Variants in TEKT5 observed in about 807,000 individuals in gnomAD.
TEKT5 encodes the protein tektin-5.
Under a neutral mutation model 48.7 loss-of-function variants are expected in TEKT5, and 52 were observed. The observed-to-expected ratio is 1.07, with a 90% CI of 0.86 to 1.35. The LOEUF (loss-of-function observed/expected upper bound fraction) is 1.35. Among genes scored for constraint, TEKT5 ranks in the 40% most tolerant of loss-of-function variants. TEKT5 has a pLI of 0.00. For missense variants in TEKT5, 831 were observed against 641.6 expected (o/e 1.30, Z -3.19); for synonymous variants, 318 against 267.6 (o/e 1.19, Z -1.84).
chr16:10,686,760 G>A (rs1034557268), intron 3 of TEKT5, among the ~76,000 whole-genome samples: 1 of 152,134 alleles, frequency 6.6e-6, no homozygotes, highest in East Asian at 1.9e-4. Flanking sequence ...TCAATAGCAA[G>A]AAAACAACCC....
In TEKT5 at chr16:10,679,897, CAAATAAAT is replaced by C. The variant is rs56032112; in HGVS notation, c.863+2088_863+2095del. The stretch of plus-strand genomic sequence containing the variant: ...GGGCAACAAGAGCGAAACTCGGTCT[CAAATAAAT>C]AAATAAATAAATAAATAAGAAAACC... On this transcript the variant is annotated intron_variant, in intron 4 of 6. Transcript: ENST00000283025. 5.8e-3 allele frequency among the ~76,000 whole-genome samples: 874 copies of C among 150,418 alleles called. 11 individuals carry two copies. Among genetic ancestry groups the C allele is most frequent in the African/African-American group, 0.02 (839 of 41,218 alleles).
At chr16:10,635,941 C>T in intron 5 of TEKT5, 23 bp from the exon 6 acceptor site, 4 of 1,611,094 alleles carry the variant, frequency 2.5e-6, no homozygotes, top group South Asian at 2.2e-5. Context: ...ACACAGGTGT[C>T]ACCACCCACC....
At chr16:10,659,530 C>A (rs1249952497) in intron 5 of TEKT5, among the ~76,000 whole-genome samples, 1 of 152,102 alleles carries the variant, frequency 6.6e-6, no homozygotes, top group Non-Finnish European at 1.5e-5. Flanking sequence ...CAGGTGCCCA[C>A]CACCACACTT....
chr16:10,675,780 C>A (rs1036314749), intron 5 of TEKT5, among the ~76,000 whole-genome samples, 179 bp downstream of exon 5: 1 of 152,122 alleles, frequency 6.6e-6, no homozygotes, highest in African/African-American at 2.4e-5. Flanking sequence ...ATGCTTAAAT[C>A]CCCCCAGGAA....
intron 5 of TEKT5, among the ~76,000 whole-genome samples, chr16:10,654,176 G>A (rs1898219117): frequency 1.3e-5 from 2 of 152,060 alleles, no homozygotes; most frequent in East Asian, 1.9e-4. Flanking sequence ...TCAGACTCCC[G>A]AGTTGCTGGA....
At position 10,676,193 on chromosome 16, in the gene TEKT5, C is replaced by T; in HGVS notation, c.864-12G>A. The T allele has an allele frequency of 6.2e-7, 1 of 1,613,838 alleles. No individual in the cohort carries two copies. Among genetic ancestry groups the T allele is most frequent in the East Asian group, 2.2e-5 (1 of 44,868 alleles). ...CAGGTACGGAGATCCTGCAAAGGCA[C>T]AAGGGTGAGTTGCAGCAGTCCTGGA... On this transcript the variant is annotated splice_polypyrimidine_tract_variant and intron_variant, in intron 4 of 6. Coordinates refer to ENST00000283025, the MANE Select transcript of TEKT5 (RefSeq NM_144674.2).
chr16:10,627,839 T>G, intron 6 of TEKT5, 40 bp from the exon 7 acceptor site: 1 of 1,572,958 alleles, frequency 6.4e-7, no homozygotes, highest in Admixed American at 1.7e-5. Flanking sequence ...GTTATTCATT[T>G]ATTTTTATTT....
intron 5 of TEKT5, among the ~76,000 whole-genome samples, chr16:10,638,638 T>A (rs2142262023): frequency 6.6e-6 from 1 of 152,298 alleles, no homozygotes; most frequent in South Asian, 2.1e-4. Context: ...ACCAGGAACA[T>A]CTTCATGGGG....
rs182221897 is a variant in TEKT5, at chr16:10,674,536, T to G, written c.1086+1423A>C. 6.8e-5 allele frequency among the ~76,000 whole-genome samples: 10 copies of G among 146,272 alleles called. 1 individual carries two copies. In the East Asian group the frequency reaches 2.0e-3, roughly 30 times the overall value. On this transcript the variant is annotated intron_variant, in intron 5 of 6. Transcript: ENST00000283025. The stretch of plus-strand genomic sequence containing the variant: ...CGTAGTCTCAGCTACTTGGGTCGCT[T>G]GAGCCCAGGAGTTCAAGGCTGCAGT...
intron 5 of TEKT5, among the ~76,000 whole-genome samples, chr16:10,659,743 T>A (rs62025797): frequency 6.6e-6 from 1 of 151,862 alleles, no homozygotes; most frequent in Non-Finnish European, 1.5e-5. Flanking sequence ...AAGAAAACCA[T>A]GAAAGGCCTG....
At chr16:10,687,014 T>C (rs1282210031) in intron 3 of TEKT5, among the ~76,000 whole-genome samples, 1 of 152,124 alleles carries the variant, frequency 6.6e-6, no homozygotes, top group Non-Finnish European at 1.5e-5. Flanking sequence ...TGATCACACA[T>C]GTATGTGGAA....
rs774873229 is a variant in TEKT5, at chr16:10,682,155, C to G, written c.720-19G>C. 1.4e-5 allele frequency: 23 copies of G among 1,612,462 alleles called. No homozygotes were observed. The highest frequency in any genetic ancestry group is 1.0e-4 in the Admixed American group (6 of 59,966). On this transcript the variant is annotated intron_variant, in intron 3 of 6. Transcript: ENST00000283025. ...GTTATCCCTGCAGGGAGGGAGGAGT[C>G]ATTCCTGGACTATGCACCTGCACAG...
intron 5 of TEKT5, among the ~76,000 whole-genome samples, chr16:10,667,791 A>T (rs1022889838): frequency 2.0e-5 from 3 of 152,242 alleles, no homozygotes; most frequent in African/African-American, 7.2e-5. Context: ...TGAAATCTTT[A>T]AATTATTTCC....
At chr16:10,689,137 A>G (rs1449150302) in intron 3 of TEKT5, 116 bp downstream of exon 3, 4 of 731,216 alleles carry the variant, frequency 5.5e-6, no homozygotes, top group African/African-American at 3.6e-5. Flanking sequence ...CCAGCATACC[A>G]CTGACCAAAA....
chr16:10,675,253 C>T (rs978370112), intron 5 of TEKT5, among the ~76,000 whole-genome samples: 1 of 152,120 alleles, frequency 6.6e-6, no homozygotes, highest in Non-Finnish European at 1.5e-5. Flanking sequence ...TGTCAAGTCC[C>T]CAGAGGCCAG....
chr16:10,693,659 T>A (rs1229220719), intron 1 of TEKT5, among the ~76,000 whole-genome samples: 1 of 152,216 alleles, frequency 6.6e-6, no homozygotes. Context: ...GTATAGAGCA[T>A]GTTAAATGAT....
chr16:10,688,641 C>G (rs1898908657), intron 3 of TEKT5, among the ~76,000 whole-genome samples: 1 of 152,168 alleles, frequency 6.6e-6, no homozygotes, highest in Non-Finnish European at 1.5e-5. Flanking sequence ...TTCGGGGGAG[C>G]TGGTGCCAAG....
At position 10,632,887 on chromosome 16, in the gene TEKT5, C is replaced by T. The variant is rs879281214; in HGVS notation, c.1241+2877G>A. On this transcript the variant is annotated intron_variant, in intron 6 of 6. Transcript: ENST00000283025. ...AGATGCAGACACACACACACACACACACACACACACACACACACACACACA... is the reference window on the plus strand; with the variant it reads ...AGATGCAGACACACACACACACACATACACACACACACACACACACACACA... Among the ~76,000 whole-genome samples the T allele has an allele frequency of 7.0e-3, 1,032 of 148,412 alleles. 21 individuals are homozygous for T. In the East Asian group the frequency reaches 0.072, roughly 10 times the overall value.
chr16:10,677,682 G>A (rs1898672368), intron 4 of TEKT5, among the ~76,000 whole-genome samples: 1 of 98,546 alleles, frequency 1.0e-5, no homozygotes, highest in African/African-American at 7.0e-5. Context: ...AGAAAAGGAA[G>A]CAATAGGTGT....
Sources: allele counts gnomAD v4.1 joint callset (sites outside exome capture counted in the v4.1 genomes callset), GRCh38; gene constraint gnomAD v4.1.1; transcripts MANE v1.5; gene names NCBI Gene and HGNC (gene_info 2026-07-23, HGNC 2026-07-21).